GRIK1: variants seen among roughly 807,000 people sequenced by gnomAD.
The protein encoded by GRIK1 is glutamate ionotropic receptor kainate type subunit 1, also known as glutamate receptor ionotropic, kainate 1.
A neutral mutation model predicts 105.7 loss-of-function variants in GRIK1; 69 were observed. The ratio of observed to expected loss-of-function variants is 0.65; its 90% CI spans 0.54 to 0.80. The LOEUF (loss-of-function observed/expected upper bound fraction) is 0.80, where lower values mean the gene tolerates loss of function less well. GRIK1 is among the 30% of genes least tolerant of loss of function. GRIK1 has a pLI of 0.00. For missense variants in GRIK1, 1,109 were observed against 1,167.3 expected (o/e 0.95, Z 0.73); for synonymous variants, 438 against 431.3 (o/e 1.02, Z -0.19).
intron 7 of GRIK1, among the ~76,000 whole-genome samples, chr21:29,638,644 G>A (rs1601341663): frequency 6.6e-6 from 1 of 152,226 alleles, no homozygotes; most frequent in South Asian, 2.1e-4. Flanking sequence ...AAACAAGCAG[G>A]TAAAACTAGT....
At chr21:29,723,781 A>G (rs1355411636) in intron 1 of GRIK1, among the ~76,000 whole-genome samples, 1 of 151,454 alleles carries the variant, frequency 6.6e-6, no homozygotes. Flanking sequence ...ATTTTTACTC[A>G]TTCTTTTTTT....
At chr21:29,893,565 G>A (rs1266618332) in intron 1 of GRIK1, among the ~76,000 whole-genome samples, 1 of 152,146 alleles carries the variant, frequency 6.6e-6, no homozygotes, top group African/African-American at 2.4e-5. Context: ...AAATATATTT[G>A]TATGTTTTAC....
chr21:29,599,212 G>T (rs2061472912), intron 7 of GRIK1, among the ~76,000 whole-genome samples: 1 of 152,202 alleles, frequency 6.6e-6, no homozygotes, highest in African/African-American at 2.4e-5. Context: ...CCGTAAAACA[G>T]TCTGCACACG....
intron 1 of GRIK1, among the ~76,000 whole-genome samples, chr21:29,734,451 C>T (rs1393535376): frequency 6.7e-6 from 1 of 148,648 alleles, no homozygotes; most frequent in Non-Finnish European, 1.5e-5. Context: ...CTCTCTTGCC[C>T]AGGGTGGAGT....
intron 1 of GRIK1, among the ~76,000 whole-genome samples, chr21:29,912,622 T>C: frequency 6.6e-6 from 1 of 152,166 alleles, no homozygotes; most frequent in Non-Finnish European, 1.5e-5. Context: ...GTAAATTAAG[T>C]TATATTTATT....
chr21:29,677,121 T>C (rs1014233738), intron 3 of GRIK1, among the ~76,000 whole-genome samples: 7 of 152,184 alleles, frequency 4.6e-5, no homozygotes, highest in African/African-American at 1.4e-4. Context: ...CTTAGTATAA[T>C]TTTTATTGTT....
intron 1 of GRIK1, among the ~76,000 whole-genome samples, chr21:29,825,256 G>T (rs1167056379): frequency 6.6e-6 from 1 of 152,022 alleles, no homozygotes; most frequent in Non-Finnish European, 1.5e-5. Context: ...TAAAAAGCAG[G>T]ATGGGGGAAG....
intron 1 of GRIK1, among the ~76,000 whole-genome samples, chr21:29,876,489 CA>C (rs1166463570): frequency 6.6e-6 from 1 of 152,136 alleles, no homozygotes; most frequent in East Asian, 1.9e-4. Flanking sequence ...TACTGGTGTA[CA>C]TTTTTCATCA....
intron 1 of GRIK1, among the ~76,000 whole-genome samples, chr21:29,730,138 G>C (rs2064576084): frequency 6.6e-6 from 1 of 152,150 alleles, no homozygotes; most frequent in Non-Finnish European, 1.5e-5. Flanking sequence ...TAAATCCCTA[G>C]TTGGCCAGTC....
chr21:29,646,953 C>T (rs1018552661), intron 6 of GRIK1, among the ~76,000 whole-genome samples: 1 of 151,866 alleles, frequency 6.6e-6, no homozygotes, highest in Non-Finnish European at 1.5e-5. Context: ...TCAAGCGATT[C>T]TCCTGCTTCA....
intron 8 of GRIK1, chr21:29,597,519 T>G: frequency 4.0e-6 from 1 of 252,488 alleles, no homozygotes; most frequent in Non-Finnish European, 8.9e-6. Context: ...CTTAAAAAAA[T>G]TATAGGCTTT....
chr21:29,814,595 C>T (rs773719043), intron 1 of GRIK1, among the ~76,000 whole-genome samples: 1 of 152,068 alleles, frequency 6.6e-6, no homozygotes, highest in Non-Finnish European at 1.5e-5. Flanking sequence ...ATGCTTCTTC[C>T]TTCTGCCTCT....
chr21:29,811,450 A>G (rs370226441), intron 1 of GRIK1, among the ~76,000 whole-genome samples: 2 of 152,260 alleles, frequency 1.3e-5, no homozygotes, highest in African/African-American at 4.8e-5. Context: ...TATTCTCTCT[A>G]ACTATAAGTA....
chr21:29,843,801 C>G (rs2068042451), intron 1 of GRIK1, among the ~76,000 whole-genome samples: 1 of 152,166 alleles, frequency 6.6e-6, no homozygotes, highest in African/African-American at 2.4e-5. Context: ...TTGGAACCAG[C>G]TCTCCTGCCT....
In GRIK1 at chr21:29,625,292, T is replaced by G. The variant is rs536430135; in HGVS notation, c.1098+17534A>C. Among the ~76,000 whole-genome samples, 37 of 152,322 alleles carry G rather than the reference T, an allele frequency of 2.4e-4. 1 individual carries two copies. The South Asian group carries it at 5.8e-3, about 24-fold the overall frequency. On this transcript the variant is annotated intron_variant, in intron 7 of 17. Coordinates refer to ENST00000327783, the MANE Select transcript of GRIK1 (RefSeq NM_001330994.2). ...TAAGATCATCTAAGTTTCTGGGAAG[T>G]GAATGTGAGAAGTAATTCATTTTCA...
intron 1 of GRIK1, among the ~76,000 whole-genome samples, chr21:29,916,740 G>T (rs1274182558): frequency 6.6e-6 from 1 of 151,924 alleles, no homozygotes; most frequent in Non-Finnish European, 1.5e-5. Flanking sequence ...AGTGGATTAT[G>T]ATTTCAAGTC....
intron 16 of GRIK1, among the ~76,000 whole-genome samples, chr21:29,542,270 C>G (rs1363913779): frequency 6.6e-6 from 1 of 152,136 alleles, no homozygotes; most frequent in Admixed American, 6.5e-5. Flanking sequence ...TCTTTGCTTT[C>G]TTTTACCTTC....
chr21:29,891,009 C>T (rs552929442), intron 1 of GRIK1, among the ~76,000 whole-genome samples: 8 of 152,268 alleles, frequency 5.3e-5, no homozygotes, highest in Non-Finnish European at 1.2e-4. Flanking sequence ...ATATCTTAAA[C>T]TGAGCCACAC....
At chr21:29,797,461 G>A (rs1337525472) in intron 1 of GRIK1, among the ~76,000 whole-genome samples, 1 of 152,188 alleles carries the variant, frequency 6.6e-6, no homozygotes, top group Non-Finnish European at 1.5e-5. Context: ...CTGGAGTGGA[G>A]AGATGTAGAG....
Sources: gnomAD v4.1 joint callset for allele counts (sites outside exome capture counted in the v4.1 genomes callset) on GRCh38, gnomAD v4.1.1 for gene constraint, MANE v1.5 for transcripts, NCBI Gene and HGNC (gene_info 2026-07-23, HGNC 2026-07-21) for gene names.